The following PTDSS1 variants were observed in gnomAD, a reference collection of about 807,000 sequenced individuals.
PTDSS1 encodes phosphatidylserine synthase 1.
In PTDSS1, 45 loss-of-function variants were observed where a neutral mutation model predicts 70.5. That is an observed-to-expected ratio of 0.64 (90% CI 0.50 to 0.82). The LOEUF is 0.82. Ranked by LOEUF, PTDSS1 falls within the 40% of genes least tolerant of loss-of-function variation. The pLI is 0.00. For synonymous variants in PTDSS1, 188 were observed against 203.8 expected (o/e 0.92, Z 0.66); for missense variants, 417 against 586.1 (o/e 0.71, Z 2.98).
At position 96,284,151 on chromosome 8, in the gene PTDSS1, T is replaced by G; in HGVS notation, c.314T>G (p.Phe105Cys). ...RPHPALWRMV[F>C]GLSVLYFLFL... Reference sequence around the variant, plus strand: ...CATCCAGCCTTATGGCGAATGGTTTTTGGTGAGTTTATATTAGCAATGTAA... The same window carrying G: ...CATCCAGCCTTATGGCGAATGGTTTGTGGTGAGTTTATATTAGCAATGTAA... The change falls in exon 3 of 13, where the codon TTT (phenylalanine) becomes TGT (cysteine). Residue 105 changes from phenylalanine (F) to cysteine (C), a missense_variant and splice_region_variant. This residue lies in a region of PTDSS1 where 272 missense variants were observed against 429.5 expected (regional missense o/e 0.63). Coordinates refer to ENST00000517309, the MANE Select transcript of PTDSS1 (RefSeq NM_014754.3). 1 of 1,605,630 alleles carries G rather than the reference T, an allele frequency of 6.2e-7. No homozygotes were observed. Among genetic ancestry groups the G allele is most frequent in the South Asian group, 1.1e-5 (1 of 90,544 alleles).
rs987172519 is a variant in PTDSS1 at position 96,303,055 on chromosome 8, A to G, written c.753-985A>G. Among the ~76,000 whole-genome samples the G allele has an allele frequency of 2.6e-5, 4 of 152,268 alleles. No homozygotes were observed. In the South Asian group the frequency reaches 8.3e-4, roughly 31 times the overall value. On this transcript the variant is annotated intron_variant, in intron 6 of 12. Transcript: ENST00000517309. Reference sequence around the variant, plus strand: ...TTTTTTAAAGTAATATTAAATGTATAAATGAATACAGATTAAGTTGAATTA... The same window carrying G: ...TTTTTTAAAGTAATATTAAATGTATGAATGAATACAGATTAAGTTGAATTA...
At chr8:96,320,411 G>T in intron 10 of PTDSS1, 66 bp downstream of exon 10, 1 of 1,344,566 alleles carries the variant, frequency 7.4e-7, no homozygotes, top group Non-Finnish European at 1.1e-6. Context: ...AAACGGAGGG[G>T]GGCAAAGAAA....
chr8:96,293,867 G>A (rs1478977799), intron 4 of PTDSS1, among the ~76,000 whole-genome samples: 5 of 151,222 alleles, frequency 3.3e-5, no homozygotes, highest in Admixed American at 1.3e-4. Context: ...GACTGGACGT[G>A]GCCCTGCTCC....
At chr8:96,280,443 A>C (rs1810719244) in intron 2 of PTDSS1, among the ~76,000 whole-genome samples, 1 of 152,124 alleles carries the variant, frequency 6.6e-6, no homozygotes, top group Non-Finnish European at 1.5e-5. Context: ...AATCACTTGA[A>C]TCTGGGATAC....
chr8:96,301,382 A>G (rs147201475), intron 6 of PTDSS1, among the ~76,000 whole-genome samples: 2,152 of 152,108 alleles, frequency 0.014, 25 homozygotes, highest in Non-Finnish European at 0.021. Context: ...GGCGTGAGCC[A>G]CTGTGCCCAG....
chr8:96,296,100 C>A (rs28396315), intron 5 of PTDSS1, among the ~76,000 whole-genome samples: 11,546 of 144,896 alleles, frequency 0.08, 514 homozygotes, highest in African/African-American at 0.1. Flanking sequence ...ATGTGGCATT[C>A]TCCCTGTGCG....
chr8:96,300,577 C>T (rs1030359219), intron 6 of PTDSS1, among the ~76,000 whole-genome samples: 8 of 152,178 alleles, frequency 5.3e-5, no homozygotes, highest in African/African-American at 1.7e-4. Flanking sequence ...TTTTGCAGCA[C>T]GAATCATGCC....
At chr8:96,267,714 A>C (rs1810508226) in intron 1 of PTDSS1, among the ~76,000 whole-genome samples, 1 of 152,184 alleles carries the variant, frequency 6.6e-6, no homozygotes, top group Non-Finnish European at 1.5e-5. Flanking sequence ...ATAGGAAAGT[A>C]CTAGCTGGAC....
chr8:96,301,594 A>G (rs1448185542), intron 6 of PTDSS1, among the ~76,000 whole-genome samples: 1 of 151,444 alleles, frequency 6.6e-6, no homozygotes, highest in Non-Finnish European at 1.5e-5. Flanking sequence ...ATCTCGGCTC[A>G]CTGCAACCTC....
intron 9 of PTDSS1, among the ~76,000 whole-genome samples, chr8:96,315,023 C>G (rs1811266107): frequency 2.0e-5 from 3 of 152,210 alleles, no homozygotes. Flanking sequence ...TTCTCCCCTT[C>G]CCTCCTTGTG....
At chr8:96,269,079 G>A (rs999605500) in intron 1 of PTDSS1, among the ~76,000 whole-genome samples, 1 of 152,212 alleles carries the variant, frequency 6.6e-6, no homozygotes, top group Non-Finnish European at 1.5e-5. Context: ...ACAATATGTG[G>A]TCAGTGCTAT....
intron 9 of PTDSS1, among the ~76,000 whole-genome samples, chr8:96,310,192 A>C (rs1811188409): frequency 7.1e-6 from 1 of 140,990 alleles, no homozygotes; most frequent in Non-Finnish European, 1.5e-5. Flanking sequence ...TTTGAGATGG[A>C]GTCTCACTCT....
chr8:96,297,563 C>T (rs553006192), intron 5 of PTDSS1, among the ~76,000 whole-genome samples: 57 of 152,324 alleles, frequency 3.7e-4, no homozygotes, highest in Non-Finnish European at 6.8e-4. Flanking sequence ...GCCTCAGCCT[C>T]ATCATGCCTC....
chr8:96,330,684 T>C (rs1004514572), intron 11 of PTDSS1: 3 of 372,278 alleles, frequency 8.1e-6, no homozygotes, highest in Admixed American at 4.3e-5. Context: ...ATTTAGTAGA[T>C]ATGAGGATAC....
intron 2 of PTDSS1, among the ~76,000 whole-genome samples, chr8:96,281,057 C>A (rs1403165868): frequency 6.6e-6 from 1 of 152,148 alleles, no homozygotes; most frequent in Non-Finnish European, 1.5e-5. Context: ...TGCATCCCCA[C>A]CCCTGGCACA....
chr8:96,306,786 A>G (rs1292459247), intron 8 of PTDSS1, among the ~76,000 whole-genome samples: 2 of 152,256 alleles, frequency 1.3e-5, no homozygotes, highest in Non-Finnish European at 2.9e-5. Context: ...AGTACTATCC[A>G]TTATTATCAG....
In PTDSS1 at chr8:96,333,663, G is replaced by C. The variant is rs1563589519; in HGVS notation, c.*97G>C. On this transcript the variant is annotated 3_prime_UTR_variant, in exon 13 of 13. Coordinates refer to ENST00000517309, the MANE Select transcript of PTDSS1 (RefSeq NM_014754.3). ...CCCGTGAGGAGGTCGAGGCGCACAG[G>C]GCAAGCAGGAAGAGGCGAGGGCACT... 1 of 1,203,164 alleles carries C rather than the reference G, an allele frequency of 8.3e-7. No homozygotes were observed. Among genetic ancestry groups the C allele is most frequent in the Non-Finnish European group, 1.2e-6 (1 of 811,630 alleles). The allele number at this position is 1,203,164 out of a possible 1,614,324, so 74.5% of individuals were successfully genotyped here.
chr8:96,276,954 G>A lies in PTDSS1; in HGVS notation c.271+3564G>A, dbSNP rs184855475. On this transcript the variant is annotated intron_variant, in intron 2 of 12. Transcript: ENST00000517309. ...CCCTACCATCCTTTCTTCTCCTCCCGGGCACATACACGCGCGCACGCGCGC... is the reference window on the plus strand; with the variant it reads ...CCCTACCATCCTTTCTTCTCCTCCCAGGCACATACACGCGCGCACGCGCGC... Among the ~76,000 whole-genome samples the A allele has an allele frequency of 1.4e-3, 201 of 144,386 alleles. 2 individuals carry two copies. The highest frequency in any genetic ancestry group is 5.2e-3 in the African/African-American group (189 of 36,010). 94.7% of individuals were successfully genotyped at this position (144,386 alleles called of 152,430 possible).
chr8:96,318,122 G>C (rs1217193394), intron 9 of PTDSS1, among the ~76,000 whole-genome samples: 1 of 151,868 alleles, frequency 6.6e-6, no homozygotes, highest in African/African-American at 2.4e-5. Context: ...ATGAGGAGTT[G>C]GTGACCAGCC....
Sources: allele counts gnomAD v4.1 joint callset (sites outside exome capture counted in the v4.1 genomes callset), GRCh38; gene constraint gnomAD v4.1.1; regional missense constraint gnomAD v4.1.1; transcripts MANE v1.5; gene names NCBI Gene and HGNC (gene_info 2026-07-23, HGNC 2026-07-21).